Variants in ASB9 observed in about 807,000 individuals in gnomAD.
ASB9 encodes the protein ankyrin repeat and SOCS box containing 9, also known as ankyrin repeat and SOCS box protein 9.
Under a neutral mutation model 16.6 loss-of-function variants are expected in ASB9, and 5 were observed. That is an observed-to-expected ratio of 0.30 (90% CI 0.16 to 0.63). The LOEUF is 0.63. Ranked by LOEUF, ASB9 falls within the 30% of genes least tolerant of loss-of-function variation. The pLI is 0.82. For missense variants in ASB9, 216 were observed against 229.4 expected (o/e 0.94, Z 0.38); for synonymous variants, 100 against 86.4 (o/e 1.16, Z -0.87).
At chrX:15,251,456 C>T (rs759993984) in intron 4 of ASB9, among the ~76,000 whole-genome samples, 3 of 112,247 alleles carry the variant, frequency 2.7e-5, no homozygotes, top group Non-Finnish European at 5.6e-5. Context: ...TGCTCCTCTA[C>T]GTTTCTCTTG....
intron 2 of ASB9, among the ~76,000 whole-genome samples, chrX:15,255,194 T>C (rs888703957): frequency 1.8e-5 from 2 of 111,356 alleles, no homozygotes; most frequent in South Asian, 3.8e-4. Context: ...AAACCAAATG[T>C]CCATCAACAA....
intron 3 of ASB9, 78 bp downstream of exon 3, chrX:15,254,659 G>T: frequency 1.3e-6 from 1 of 750,883 alleles, no homozygotes; most frequent in Non-Finnish European, 2.0e-6. Flanking sequence ...AATCAAAAGT[G>T]CTGGAAGTTA....
chrX:15,266,100 G>C (rs992557130), intron 1 of ASB9, among the ~76,000 whole-genome samples: 1 of 110,790 alleles, frequency 9.0e-6, no homozygotes, highest in African/African-American at 3.3e-5. Context: ...ACTGCACCCA[G>C]TCAAATGTTT....
At chrX:15,254,337 A>G (rs903166581) in intron 3 of ASB9, among the ~76,000 whole-genome samples, 1 of 112,387 alleles carries the variant, frequency 8.9e-6, no homozygotes, top group Non-Finnish European at 1.9e-5. Flanking sequence ...TGCTCTTGCA[A>G]TCCCTGCTAC....
chrX:15,270,022 A>C lies in ASB9; in HGVS notation c.-148T>G. On this transcript the variant is annotated 5_prime_UTR_variant, in exon 1 of 7. Coordinates refer to ENST00000380488, the MANE Select transcript of ASB9 (RefSeq NM_001031739.3). ...CTGGTCAAATGGTCTGCAGCAAAGCACAGAGCAGGCAGGGTAATCTGAGTG... is the reference window on the plus strand; with the variant it reads ...CTGGTCAAATGGTCTGCAGCAAAGCCCAGAGCAGGCAGGGTAATCTGAGTG... 5 of 434,768 alleles carry C rather than the reference A, an allele frequency of 1.2e-5. No individual in the cohort carries two copies. The highest frequency in any genetic ancestry group is 1.2e-5 in the Non-Finnish European group (3 of 258,061). The allele number at this position is 434,768 out of a possible 1,213,427, so 35.8% of individuals were successfully genotyped here. A position where few individuals can be genotyped will look rare whatever the true frequency, so the allele number is the denominator to read the frequency against.
chrX:15,262,437 A>T (rs1179537032), intron 1 of ASB9, among the ~76,000 whole-genome samples: 1 of 111,903 alleles, frequency 8.9e-6, no homozygotes, highest in African/African-American at 3.3e-5. Context: ...AAGTCATTTC[A>T]GTTCAGGGTT....
At chrX:15,264,185 C>G (rs1050186551) in intron 1 of ASB9, among the ~76,000 whole-genome samples, 2 of 111,044 alleles carry the variant, frequency 1.8e-5, no homozygotes, top group Admixed American at 9.6e-5. Flanking sequence ...CTTGGTGTTC[C>G]TTGGTTTCTA....
chrX:15,262,763 C>A (rs757104203), intron 1 of ASB9, among the ~76,000 whole-genome samples: 4 of 112,133 alleles, frequency 3.6e-5, no homozygotes, highest in African/African-American at 1.3e-4. Context: ...TCTCAAGTAA[C>A]TGGGACTACA....
intron 2 of ASB9, among the ~76,000 whole-genome samples, chrX:15,257,914 G>A (rs925698275): frequency 1.2e-4 from 13 of 111,376 alleles, no homozygotes; most frequent in Non-Finnish European, 2.3e-4. Flanking sequence ...GTGCTCCAGC[G>A]TTTTGCCAAG....
chrX:15,244,469 T>C lies in ASB9; in HGVS notation c.*37A>G. ...CTAGTGGCTACAACACTCAATAATG[T>C]TTTCACATCGTTTGTGAATCCATTC... On this transcript the variant is annotated 3_prime_UTR_variant, in exon 7 of 7. Coordinates refer to ENST00000380488, the MANE Select transcript of ASB9 (RefSeq NM_001031739.3). 13 of 1,169,737 alleles carry C rather than the reference T, an allele frequency of 1.1e-5. No individual in the cohort carries two copies. Among genetic ancestry groups the C allele is most frequent in the Non-Finnish European group, 1.2e-5 (10 of 858,912 alleles).
intron 1 of ASB9, among the ~76,000 whole-genome samples, chrX:15,268,827 AATT>A (rs1926762964): frequency 2.8e-5 from 3 of 108,339 alleles, no homozygotes; most frequent in Non-Finnish European, 3.8e-5. Context: ...AAGAAAAAAA[AATT>A]AATAAATAAT....
chrX:15,248,240 G>A (rs188818287), intron 6 of ASB9, among the ~76,000 whole-genome samples: 1 of 111,785 alleles, frequency 8.9e-6, no homozygotes, highest in Non-Finnish European at 1.9e-5. Context: ...TTATAGAGAA[G>A]TGTGGACTTA....
In ASB9 at chrX:15,266,732, T is replaced by A. The variant is rs750083100; in HGVS notation, c.94+3049A>T. 3.5e-4 allele frequency among the ~76,000 whole-genome samples: 39 copies of A among 109,900 alleles called. 1 individual carries two copies. Among genetic ancestry groups the A allele is most frequent in the Admixed American group, 2.6e-3 (27 of 10,345 alleles). The stretch of plus-strand genomic sequence containing the variant: ...TGGGTGGATCACGAGGTCAGGAGAT[T>A]GAGACCATCCTGGCTAACATGGTGA... On this transcript the variant is annotated intron_variant, in intron 1 of 6. Coordinates refer to ENST00000380488, the MANE Select transcript of ASB9 (RefSeq NM_001031739.3).
At chrX:15,247,156 G>A (rs781264090) in intron 6 of ASB9, among the ~76,000 whole-genome samples, 1 of 111,294 alleles carries the variant, frequency 9.0e-6, no homozygotes, top group Non-Finnish European at 1.9e-5. Flanking sequence ...CAATCCACAG[G>A]TCTAGTTTTC....
At chrX:15,260,377 GAC>G (rs1314204889) in intron 1 of ASB9, among the ~76,000 whole-genome samples, 2 of 112,058 alleles carry the variant, frequency 1.8e-5, no homozygotes, top group African/African-American at 6.5e-5. Flanking sequence ...CAGCCTGGGT[GAC>G]ACAGTGAGAC....
At chrX:15,262,803 T>C (rs755733781) in intron 1 of ASB9, among the ~76,000 whole-genome samples, 13 of 111,894 alleles carry the variant, frequency 1.2e-4, no homozygotes, top group African/African-American at 4.2e-4. Flanking sequence ...AGTTAATTTT[T>C]GTAACTTTAG....
At chrX:15,254,467 C>T (rs1027188323) in intron 3 of ASB9, among the ~76,000 whole-genome samples, 2 of 112,029 alleles carry the variant, frequency 1.8e-5, no homozygotes, top group South Asian at 3.8e-4. Context: ...CATTACCTTC[C>T]GGCCATAACA....
At chrX:15,252,489 T>C (rs1841695981) in intron 3 of ASB9, 85 bp from the exon 4 acceptor site, 1 of 908,656 alleles carries the variant, frequency 1.1e-6, no homozygotes, top group Non-Finnish European at 1.5e-6. Flanking sequence ...AGATGTTATT[T>C]AACATCTCTG....
rs749092797 is a variant in ASB9, at chrX:15,252,403, A to G, written c.284T>C (p.Val95Ala). The change falls in exon 4 of 7, where the codon GTG becomes GCG. Residue 95 changes from valine (V) to alanine (A), a missense_variant and splice_region_variant. Coordinates refer to ENST00000380488, the MANE Select transcript of ASB9 (RefSeq NM_001031739.3). ...GTGCCAGTCTGCTGTCACACCATTC[A>G]CCTGGTAAAAGAAGCTCCAGAATGA... The part of the protein sequence containing the change: ...VKILLKHGAQ[V>A]NGVTADWHTP... The G allele has an allele frequency of 1.7e-6, 2 of 1,194,861 alleles. No individual in the cohort carries two copies. Among genetic ancestry groups the G allele is most frequent in the South Asian group, 3.7e-5 (2 of 53,401 alleles).
Sources: allele counts gnomAD v4.1 joint callset (sites outside exome capture counted in the v4.1 genomes callset), GRCh38; gene constraint gnomAD v4.1.1; transcripts MANE v1.5; gene names NCBI Gene and HGNC (gene_info 2026-07-23, HGNC 2026-07-21).